DUSP16: variants seen among roughly 807,000 people sequenced by gnomAD.
DUSP16 encodes the protein dual specificity protein phosphatase 16.
In DUSP16, 21 loss-of-function variants were observed where a neutral mutation model predicts 58.3. The observed-to-expected ratio is 0.36, with a 90% CI of 0.26 to 0.52. The LOEUF (loss-of-function observed/expected upper bound fraction) is 0.52, where lower values mean the gene tolerates loss of function less well. DUSP16 is among the 20% of genes least tolerant of loss of function. The pLI is 0.94. For synonymous variants in DUSP16, 320 were observed against 323.8 expected (o/e 0.99, Z 0.12); for missense variants, 726 against 819.0 (o/e 0.89, Z 1.39).
rs1943421502 is a variant in DUSP16 at position 12,475,854 on chromosome 12, G to A, written c.*979C>T. ...CTGCTTTGGCTGAGAATTTGAAGGT[G>A]CTGCTGCTCTGCTACCAACCCAAAT... On this transcript the variant is annotated 3_prime_UTR_variant, in exon 7 of 7. Coordinates refer to ENST00000298573, the MANE Select transcript of DUSP16 (RefSeq NM_030640.3). 1 of 152,252 alleles carries A rather than the reference G, an allele frequency of 6.6e-6. No individual in the cohort carries two copies. Among genetic ancestry groups the A allele is most frequent in the Non-Finnish European group, 1.5e-5 (1 of 68,048 alleles). The allele number at this position is 152,252 out of a possible 1,614,324, so 9.4% of individuals were successfully genotyped here. A position where few individuals can be genotyped will look rare whatever the true frequency, so the allele number is the denominator to read the frequency against.
intron 4 of DUSP16, among the ~76,000 whole-genome samples, chr12:12,495,405 A>T (rs1438627677): frequency 6.6e-6 from 1 of 152,194 alleles, no homozygotes; most frequent in African/African-American, 2.4e-5. Context: ...TTCTAGTTTC[A>T]ACACACAGTT....
chr12:12,551,944 G>T (rs981143298), intron 1 of DUSP16, among the ~76,000 whole-genome samples: 1 of 151,884 alleles, frequency 6.6e-6, no homozygotes, highest in Non-Finnish European at 1.5e-5. Flanking sequence ...CACCTGCCTC[G>T]GCCTCCCAAA....
At chr12:12,528,859 G>A (rs556106303) in intron 1 of DUSP16, among the ~76,000 whole-genome samples, 9 of 152,200 alleles carry the variant, frequency 5.9e-5, no homozygotes, top group African/African-American at 1.4e-4. Flanking sequence ...AAGGGTGTGC[G>A]GGGGTGGCTG....
intron 1 of DUSP16, among the ~76,000 whole-genome samples, chr12:12,528,955 C>T (rs1240722220): frequency 6.6e-6 from 1 of 152,066 alleles, no homozygotes; most frequent in African/African-American, 2.4e-5. Context: ...TATGTGGATA[C>T]CTGGAAGATT....
chr12:12,532,958 A>AC (rs1944413278), intron 1 of DUSP16, among the ~76,000 whole-genome samples: 2 of 151,892 alleles, frequency 1.3e-5, no homozygotes, highest in Non-Finnish European at 2.9e-5. Flanking sequence ...CAAAAAAAAA[A>AC]AAAAACAAAG....
At chr12:12,536,707 T>C (rs1365534518) in intron 1 of DUSP16, among the ~76,000 whole-genome samples, 2 of 151,854 alleles carry the variant, frequency 1.3e-5, no homozygotes, top group South Asian at 2.1e-4. Flanking sequence ...ATCGCTGCCA[T>C]TGCAATCCAG....
chr12:12,498,293 A>G (rs1943860269), intron 4 of DUSP16, among the ~76,000 whole-genome samples: 1 of 152,186 alleles, frequency 6.6e-6, no homozygotes, highest in Admixed American at 6.5e-5. Context: ...CTCACTTATC[A>G]AATGCTGGTG....
Position 12,477,462 on chromosome 12 carries a change from C to T in DUSP16, c.1369G>A (p.Glu457Lys), listed in dbSNP as rs748787807. Residue 457 changes from glutamate to lysine, a missense_variant, in exon 7 of 7, where the codon GAA (glutamate) becomes AAA (lysine). Coordinates refer to ENST00000298573, the MANE Select transcript of DUSP16 (RefSeq NM_030640.3). This position sits in a 1 kb window ranked among gnomAD's most constrained non-coding sequence, Gnocchi z 4.1. The stretch of plus-strand genomic sequence containing the variant: ...GCTTCCTCCTTATCAGGACTGGTTT[C>T]GGGAGTCTGCTCCGATAGTTCCTGA... ...PVQELSEQTP[E>K]TSPDKEEASI... 29 of 1,599,270 alleles carry T rather than the reference C, an allele frequency of 1.8e-5. No individual in the cohort carries two copies. Among genetic ancestry groups the T allele is most frequent in the Middle Eastern group, 1.7e-4 (1 of 6,004 alleles).
At chr12:12,556,915 A>G (rs1944814341) in intron 1 of DUSP16, among the ~76,000 whole-genome samples, 1 of 152,158 alleles carries the variant, frequency 6.6e-6, no homozygotes, top group African/African-American at 2.4e-5. Flanking sequence ...CTAACAGTTT[A>G]TTGTCTGTAC....
intron 3 of DUSP16, among the ~76,000 whole-genome samples, chr12:12,507,527 T>C (rs1403381043): frequency 6.6e-6 from 1 of 152,230 alleles, no homozygotes; most frequent in Admixed American, 6.5e-5. Flanking sequence ...AAAAGTCATA[T>C]GCAAATTTAA....
intron 1 of DUSP16, among the ~76,000 whole-genome samples, chr12:12,541,796 ACAAACCTG>A (rs1164199756): frequency 1.3e-5 from 2 of 150,500 alleles, no homozygotes; most frequent in Admixed American, 6.6e-5. Context: ...TGCACATGTA[ACAAACCTG>A]CACATATACC....
At chr12:12,526,234 GTTTTATA>G (rs1033610058) in intron 1 of DUSP16, among the ~76,000 whole-genome samples, 5 of 152,014 alleles carry the variant, frequency 3.3e-5, no homozygotes, top group Non-Finnish European at 1.5e-5. Flanking sequence ...AATGATTTAT[GTTTTATA>G]TTTTATAATA....
At chr12:12,497,054 G>GT (rs1943837338) in intron 4 of DUSP16, among the ~76,000 whole-genome samples, 2 of 152,182 alleles carry the variant, frequency 1.3e-5, no homozygotes, top group Admixed American at 1.3e-4. Flanking sequence ...GAGATGTGCT[G>GT]TAAGTATAAA....
chr12:12,539,363 A>G (rs1944516502), intron 1 of DUSP16, among the ~76,000 whole-genome samples: 1 of 152,246 alleles, frequency 6.6e-6, no homozygotes, highest in Admixed American at 6.5e-5. Flanking sequence ...CTGCAAGGAT[A>G]TGCTGGGGCA....
chr12:12,536,760 C>T (rs1175605069), intron 1 of DUSP16, among the ~76,000 whole-genome samples: 2 of 149,910 alleles, frequency 1.3e-5, no homozygotes, highest in African/African-American at 2.5e-5. Flanking sequence ...AAAAAAACGC[C>T]GATGCGGTGG....
intron 1 of DUSP16, among the ~76,000 whole-genome samples, chr12:12,522,144 C>G (rs936027614): frequency 1.3e-5 from 2 of 152,222 alleles, no homozygotes; most frequent in Non-Finnish European, 1.5e-5. Context: ...TGAGCTAGGC[C>G]TGTGAAGTGC....
At chr12:12,550,393 T>A (rs772648498) in intron 1 of DUSP16, among the ~76,000 whole-genome samples, 16 of 152,152 alleles carry the variant, frequency 1.1e-4, no homozygotes, top group Non-Finnish European at 2.2e-4. Context: ...CTTCAAGGGA[T>A]CTATAAAACT....
intron 3 of DUSP16, among the ~76,000 whole-genome samples, chr12:12,505,066 T>C (rs1943972590): frequency 6.6e-6 from 1 of 152,228 alleles, no homozygotes; most frequent in Admixed American, 6.5e-5. Flanking sequence ...CTAAGCACTC[T>C]ATAGGTATTT....
intron 1 of DUSP16, among the ~76,000 whole-genome samples, chr12:12,532,015 G>A (rs991894054): frequency 2.6e-5 from 4 of 151,896 alleles, no homozygotes; most frequent in Non-Finnish European, 4.4e-5. Context: ...AAAATTAGCC[G>A]GGCGCGGTGG....
Sources: allele counts gnomAD v4.1 joint callset (sites outside exome capture counted in the v4.1 genomes callset), GRCh38; gene constraint gnomAD v4.1.1; non-coding constraint Gnocchi (gnomAD v3.1); transcripts MANE v1.5; gene names NCBI Gene and HGNC (gene_info 2026-07-23, HGNC 2026-07-21).